DACH2: variants seen among roughly 807,000 people sequenced by gnomAD.
DACH2 encodes the protein dachshund homolog 2.
In DACH2, 17 loss-of-function variants were observed where a neutral mutation model predicts 35.8. The observed-to-expected ratio is 0.48, with a 90% CI of 0.33 to 0.71. The LOEUF (loss-of-function observed/expected upper bound fraction) is 0.71, where lower values mean the gene tolerates loss of function less well. Among genes scored for constraint, DACH2 ranks in the 30% least tolerant of loss-of-function variants. DACH2 has a pLI of 0.02. For synonymous variants in DACH2, 195 were observed against 177.3 expected, an observed-to-expected ratio of 1.10 and a Z score of -0.79; for missense variants, 469 against 472.7, an observed-to-expected ratio of 0.99 and a Z score of 0.07.
intron 7 of DACH2, among the ~76,000 whole-genome samples, chrX:86,800,866 C>T (rs1352976587): frequency 2.7e-5 from 3 of 110,365 alleles, no homozygotes; most frequent in South Asian, 3.9e-4. Context: ...AATGGGGTTT[C>T]GCCATGTTGG....
intron 1 of DACH2, among the ~76,000 whole-genome samples, chrX:86,344,795 C>A (rs1269894416): frequency 5.4e-5 from 6 of 111,641 alleles, no homozygotes; most frequent in Non-Finnish European, 1.1e-4. Context: ...TTCCCTTTGT[C>A]TCATTGCTCC....
At chrX:86,525,986 G>A (rs899723769) in intron 3 of DACH2, among the ~76,000 whole-genome samples, 2 of 111,269 alleles carry the variant, frequency 1.8e-5, no homozygotes, top group Non-Finnish European at 3.8e-5. Context: ...CTTTATTCTG[G>A]CGAGCTTTTG....
intron 1 of DACH2, among the ~76,000 whole-genome samples, chrX:86,343,507 T>C (rs951266758): frequency 9.0e-6 from 1 of 111,538 alleles, no homozygotes; most frequent in African/African-American, 3.3e-5. Context: ...CTAATCATTT[T>C]CAATGGAAGA....
At chrX:86,254,019 A>T (rs908963454) in intron 1 of DACH2, among the ~76,000 whole-genome samples, 3 of 112,256 alleles carry the variant, frequency 2.7e-5, no homozygotes, top group African/African-American at 9.7e-5. Flanking sequence ...TTTTCTATGG[A>T]TATTATCAAT....
At chrX:86,436,665 GA>G (rs902237205) in intron 2 of DACH2, among the ~76,000 whole-genome samples, 1 of 111,042 alleles carries the variant, frequency 9.0e-6, no homozygotes, top group African/African-American at 3.3e-5. Context: ...TTTGACTTAG[GA>G]AATATTTTCT....
chrX:86,442,668 T>A (rs1364774380), intron 2 of DACH2, among the ~76,000 whole-genome samples: 2 of 110,231 alleles, frequency 1.8e-5, no homozygotes, highest in Non-Finnish European at 3.8e-5. Context: ...CTTCTGGGAG[T>A]TTTTTTCATT....
intron 1 of DACH2, among the ~76,000 whole-genome samples, chrX:86,273,695 T>C (rs1318820224): frequency 1.8e-5 from 2 of 112,314 alleles, no homozygotes; most frequent in African/African-American, 6.5e-5. Context: ...GAGAGATCTA[T>C]AGTATTATGG....
At chrX:86,283,953 G>T (rs1342284790) in intron 1 of DACH2, among the ~76,000 whole-genome samples, 1 of 108,661 alleles carries the variant, frequency 9.2e-6, no homozygotes, top group Non-Finnish European at 1.9e-5. Context: ...CATTGATTTT[G>T]TGTCCCACAA....
At chrX:86,272,245 ATTAC>A (rs780203730) in intron 1 of DACH2, among the ~76,000 whole-genome samples, 41 of 105,232 alleles carry the variant, frequency 3.9e-4, no homozygotes, top group African/African-American at 1.3e-3. Flanking sequence ...ATTTTCTTTA[ATTAC>A]TTGTTGATGG....
chrX:86,809,497 A>G (rs1486791035), intron 7 of DACH2, among the ~76,000 whole-genome samples: 7 of 94,422 alleles, frequency 7.4e-5, no homozygotes, highest in Non-Finnish European at 1.6e-4. Context: ...TTTTTGTAGC[A>G]AACGAGTTAA....
intron 4 of DACH2, among the ~76,000 whole-genome samples, chrX:86,659,689 C>T (rs2074313672): frequency 2.7e-5 from 3 of 111,592 alleles, no homozygotes; most frequent in Admixed American, 9.6e-5. Flanking sequence ...TACATTAATG[C>T]TAAATATCTA....
At chrX:86,333,304 G>T (rs778344998) in intron 1 of DACH2, among the ~76,000 whole-genome samples, 2 of 111,791 alleles carry the variant, frequency 1.8e-5, no homozygotes, top group African/African-American at 6.5e-5. Flanking sequence ...TTATGAAAAA[G>T]GTGAGCCTAT....
intron 2 of DACH2, among the ~76,000 whole-genome samples, chrX:86,431,114 G>A (rs1179354011): frequency 2.7e-5 from 3 of 111,601 alleles, no homozygotes; most frequent in Non-Finnish European, 5.7e-5. Context: ...TGGTAATCAT[G>A]TGTAGTGATT....
intron 2 of DACH2, among the ~76,000 whole-genome samples, chrX:86,391,543 A>T (rs1031736222): frequency 1.8e-5 from 2 of 110,860 alleles, no homozygotes; most frequent in African/African-American, 6.6e-5. Flanking sequence ...TTTCTACATG[A>T]GGTTTTAAAA....
intron 7 of DACH2, among the ~76,000 whole-genome samples, chrX:86,768,796 A>T (rs1410278874): frequency 1.8e-5 from 2 of 110,832 alleles, no homozygotes; most frequent in Non-Finnish European, 3.8e-5. Flanking sequence ...CACCTCCTCT[A>T]TACTTCCCCT....
intron 3 of DACH2, among the ~76,000 whole-genome samples, chrX:86,559,987 T>C (rs1184203821): frequency 1.7e-5 from 1 of 58,909 alleles, no homozygotes; most frequent in Non-Finnish European, 2.9e-5. Context: ...GTCATTATGA[T>C]GTTAGCTGGT....
chrX:86,251,634 C>G (rs894646575), intron 1 of DACH2, among the ~76,000 whole-genome samples: 1 of 111,768 alleles, frequency 8.9e-6, no homozygotes, highest in African/African-American at 3.2e-5. Flanking sequence ...ATAATAGTCT[C>G]CAGTTCCATG....
intron 2 of DACH2, among the ~76,000 whole-genome samples, chrX:86,400,831 C>T (rs1489099081): frequency 8.9e-6 from 1 of 112,239 alleles, no homozygotes; most frequent in Non-Finnish European, 1.9e-5. Flanking sequence ...GGGTCAGGGA[C>T]CCACTTGAGG....
At chrX:86,742,985 G>A (rs1037307186) in intron 7 of DACH2, among the ~76,000 whole-genome samples, 4 of 111,434 alleles carry the variant, frequency 3.6e-5, no homozygotes, top group Non-Finnish European at 7.6e-5. Context: ...TACTATGCCA[G>A]CTCAGAGACA....
Sources: gnomAD v4.1 joint callset for allele counts (sites outside exome capture counted in the v4.1 genomes callset) on GRCh38, gnomAD v4.1.1 for gene constraint, MANE v1.5 for transcripts, NCBI Gene and HGNC (gene_info 2026-07-23, HGNC 2026-07-21) for gene names.